NUDC: variants seen among roughly 807,000 people sequenced by gnomAD.
NUDC encodes nuclear distribution C, dynein complex regulator.
A neutral mutation model predicts 45.0 loss-of-function variants in NUDC; 14 were observed. That is an observed-to-expected ratio of 0.31 (90% CI 0.21 to 0.49). The LOEUF is 0.49. Among genes scored for constraint, NUDC ranks in the 20% least tolerant of loss-of-function variants. The pLI, the probability that NUDC is intolerant of heterozygous loss-of-function variation, is 0.99. For synonymous variants in NUDC, 153 were observed against 156.7 expected, an observed-to-expected ratio of 0.98 and a Z score of 0.17; for missense variants, 323 against 426.2, an observed-to-expected ratio of 0.76 and a Z score of 2.13.
At position 26,946,251 on chromosome 1, in the gene NUDC, C is replaced by T. The variant is rs1356361793; in HGVS notation, c.*70C>T. ...ACCCAACTTTCTTTCCCACTCTTCT[C>T]TGGGACTTGTGGGCCTCAGGGCTTG... On this transcript the variant is annotated 3_prime_UTR_variant, in exon 9 of 9. Transcript: ENST00000321265. 7.2e-7 allele frequency: 1 copy of T among 1,389,300 alleles called. No homozygotes were observed. The highest frequency in any genetic ancestry group is 1.7e-5 in the Admixed American group (1 of 59,650). The allele number at this position is 1,389,300 out of a possible 1,614,324, so 86.1% of individuals were successfully genotyped here.
At chr1:26,946,058 C>A (rs1157757555) in intron 8 of NUDC, 72 bp from the exon 9 acceptor site, 2 of 1,448,474 alleles carry the variant, frequency 1.4e-6, no homozygotes, top group African/African-American at 1.4e-5. Flanking sequence ...AGACTTGACA[C>A]GGGGGTGCTG....
At chr1:26,935,817 TCAAA>T (rs2082224828) in intron 2 of NUDC, among the ~76,000 whole-genome samples, 1 of 151,310 alleles carries the variant, frequency 6.6e-6, no homozygotes, top group African/African-American at 2.4e-5. Flanking sequence ...TTAAGAGACC[TCAAA>T]CAAAGACAAA....
intron 1 of NUDC, chr1:26,900,612 G>C: frequency 1.6e-6 from 1 of 627,278 alleles, no homozygotes; most frequent in East Asian, 2.8e-5. Flanking sequence ...TCCCACAGAG[G>C]GAAGCCGGCG....
intron 2 of NUDC, among the ~76,000 whole-genome samples, chr1:26,905,287 A>C (rs2081998606): frequency 6.7e-6 from 1 of 149,174 alleles, no homozygotes; most frequent in African/African-American, 2.5e-5. Flanking sequence ...CAGCTTCCCA[A>C]GTAGCTGGGA....
At chr1:26,904,484 G>A (rs1468684803) in intron 2 of NUDC, among the ~76,000 whole-genome samples, 1 of 152,046 alleles carries the variant, frequency 6.6e-6, no homozygotes, top group Non-Finnish European at 1.5e-5. Context: ...AGAGTCCATT[G>A]GCGCAATCAT....
chr1:26,939,472 C>T (rs534988455), intron 2 of NUDC, among the ~76,000 whole-genome samples: 3 of 151,984 alleles, frequency 2.0e-5, no homozygotes, highest in African/African-American at 7.3e-5. Context: ...TAAAAAAATA[C>T]AAAAATTAGC....
At chr1:26,912,220 A>C in intron 3 of NUDC, 2 of 924,992 alleles carry the variant, frequency 2.2e-6, no homozygotes, top group Non-Finnish European at 3.3e-6. Context: ...TCCCACTACT[A>C]CCTCCTCCTT....
Position 26,945,792 on chromosome 1 carries a change from C to T in NUDC, c.944+106C>T. The T allele has an allele frequency of 3.5e-6, 3 of 867,734 alleles. No individual in the cohort carries two copies. The Admixed American group carries it at 5.1e-5, about 15-fold the overall frequency. 53.8% of individuals were successfully genotyped at this position (867,734 alleles called of 1,614,324 possible). A position where few individuals can be genotyped will look rare whatever the true frequency, so the allele number is the denominator to read the frequency against. On this transcript the variant is annotated intron_variant, in intron 8 of 8. Coordinates refer to ENST00000321265, the MANE Select transcript of NUDC (RefSeq NM_006600.4). ...GCGCTGCCTCAGGAGCTGCCCTGCC[C>T]CCTTTCCAGCCATGTTTATGGCTTT...
chr1:26,936,459 G>A (rs1280632883), intron 2 of NUDC, among the ~76,000 whole-genome samples: 3 of 151,112 alleles, frequency 2.0e-5, no homozygotes, highest in Non-Finnish European at 4.4e-5. Flanking sequence ...CAGAGTGCCT[G>A]GTTTACAGGT....
chr1:26,928,473 A>G (rs987538804), intron 2 of NUDC, among the ~76,000 whole-genome samples: 13 of 152,240 alleles, frequency 8.5e-5, no homozygotes, highest in Admixed American at 5.2e-4. Context: ...ACACCAGATT[A>G]TGAGAAAATA....
intron 1 of NUDC, 118 bp from the exon 2 acceptor site, chr1:26,923,971 C>T: frequency 1.2e-6 from 1 of 869,460 alleles, no homozygotes; most frequent in South Asian, 1.4e-5. Context: ...AGTTGGGAAG[C>T]TCAGAGGAAA....
intron 2 of NUDC, among the ~76,000 whole-genome samples, chr1:26,933,916 T>A (rs891981914): frequency 2.6e-5 from 4 of 151,940 alleles, no homozygotes; most frequent in South Asian, 2.1e-4. Context: ...CCACTTTGGG[T>A]GGCCAAGGTG....
At chr1:26,909,357 A>G (rs1227216226) in intron 2 of NUDC, among the ~76,000 whole-genome samples, 1 of 152,244 alleles carries the variant, frequency 6.6e-6, no homozygotes, top group Admixed American at 6.5e-5. Context: ...GGCTCAAGCG[A>G]TCCTATCACC....
intron 2 of NUDC, among the ~76,000 whole-genome samples, chr1:26,930,703 C>G (rs1318419921): frequency 7.1e-6 from 1 of 141,018 alleles, no homozygotes. Flanking sequence ...AGAGCTAAAC[C>G]CTGTCTCAAA....
rs756180278 is a variant in NUDC at position 26,942,846 on chromosome 1, TTC to T, written c.547-23_547-22del. 1.9e-5 allele frequency: 30 copies of T among 1,613,838 alleles called. No individual in the cohort carries two copies. The Middle Eastern group carries it at 5.0e-4, about 27-fold the overall frequency. The stretch of plus-strand genomic sequence containing the variant: ...GGTACCAGCAGCACTTAGTGGCCTC[TTC>T]TGACTGCCTCTGCCCTATGCAGCTG... On this transcript the variant is annotated intron_variant, in intron 5 of 8. Transcript: ENST00000321265.
chr1:26,921,973 C>A (rs966743192), intron 1 of NUDC, 44 bp downstream of exon 1: 1 of 1,531,838 alleles, frequency 6.5e-7, no homozygotes, highest in Admixed American at 2.0e-5. Flanking sequence ...GCCTTGGCCA[C>A]GCTCCTTCCG....
intron 2 of NUDC, among the ~76,000 whole-genome samples, chr1:26,932,501 T>C (rs1198086417): frequency 6.6e-6 from 1 of 151,980 alleles, no homozygotes; most frequent in Non-Finnish European, 1.5e-5. Flanking sequence ...TTCTGTTTTT[T>C]TTGTAGAGAT....
At chr1:26,923,418 T>A (rs2082106690) in intron 1 of NUDC, among the ~76,000 whole-genome samples, 2 of 152,204 alleles carry the variant, frequency 1.3e-5, no homozygotes, top group African/African-American at 4.8e-5. Context: ...CATCTTATCC[T>A]CCTTTGAAGT....
intron 1 of NUDC, chr1:26,922,417 T>C (rs139446821): frequency 4.7e-4 from 92 of 195,372 alleles, no homozygotes; most frequent in African/African-American, 2.1e-3. Context: ...TTGGAACCTT[T>C]ACATCTCTCC....
Sources: allele counts gnomAD v4.1 joint callset (sites outside exome capture counted in the v4.1 genomes callset), GRCh38; gene constraint gnomAD v4.1.1; transcripts MANE v1.5; gene names NCBI Gene and HGNC (gene_info 2026-07-23, HGNC 2026-07-21).